TEX22: variants seen among roughly 807,000 people sequenced by gnomAD.
The protein encoded by TEX22 is testis-expressed protein 22.
Under a neutral mutation model 11.3 loss-of-function variants are expected in TEX22, and 16 were observed. The observed-to-expected ratio is 1.42, with a 90% confidence interval of 0.96 to 2.15. TEX22 has a LOEUF of 2.15. Among genes scored for constraint, TEX22 ranks in the 30% most tolerant of loss-of-function variants. The pLI, the probability that TEX22 is intolerant of heterozygous loss-of-function variation, is 0.00. For synonymous variants in TEX22, 97 were observed against 92.3 expected (o/e 1.05, Z -0.29); for missense variants, 220 against 208.6 (o/e 1.05, Z -0.34).
chr14:105,398,731 C>G (rs1426405092), intron 1 of TEX22, 96 bp downstream of exon 1: 6 of 152,476 alleles, frequency 3.9e-5, no homozygotes, highest in African/African-American at 1.2e-4. Flanking sequence ...CCAGAGTGCC[C>G]ACGGCCTCCA....
At chr14:105,402,033 A>G (rs2081629929) in intron 2 of TEX22, among the ~76,000 whole-genome samples, 1 of 152,192 alleles carries the variant, frequency 6.6e-6, no homozygotes, top group Non-Finnish European at 1.5e-5. Context: ...TAAAAATACA[A>G]AAACTAGCTG....
intron 2 of TEX22, among the ~76,000 whole-genome samples, chr14:105,410,758 G>A (rs375478140): frequency 6.6e-5 from 10 of 152,160 alleles, no homozygotes; most frequent in East Asian, 3.9e-4. Flanking sequence ...GTCTCCTGCA[G>A]CCCACGTGGG....
chr14:105,405,309 G>A (rs745501147), intron 2 of TEX22, among the ~76,000 whole-genome samples: 47 of 152,132 alleles, frequency 3.1e-4, no homozygotes, highest in Non-Finnish European at 5.0e-4. Flanking sequence ...AAAAGATCGA[G>A]TTGCTTGTCA....
rs918158147 is a variant in TEX22, at chr14:105,411,467, G to A, written c.250G>A (p.Gly84Ser). 1.4e-4 allele frequency: 167 copies of A among 1,232,748 alleles called. 1 individual carries two copies. In the South Asian group the frequency reaches 5.5e-3, roughly 41 times the overall value. The allele number at this position is 1,232,748 out of a possible 1,614,324, so 76.4% of individuals were successfully genotyped here. The change falls in exon 3 of 4, where the codon GGC becomes AGC. Residue 84 changes from glycine (G) to serine (S), a missense_variant. By Grantham distance (56) the Gly-to-Ser change is moderately conservative (BLOSUM62 0). Coordinates refer to ENST00000451127, the MANE Select transcript of TEX22 (RefSeq NM_001195082.2). ...CACGCTGGGCGGCCGGGAGAGGCCG[G>A]GCGCCGCCGGGACCCAGCTGCACTG... is the stretch of plus-strand genomic sequence containing the variant. ...LATLGGRERP[G>S]AAGTQLHCRD...
intron 1 of TEX22, 75 bp from the exon 2 acceptor site, chr14:105,399,227 C>CA: frequency 1.2e-6 from 1 of 852,040 alleles, no homozygotes; most frequent in Non-Finnish European, 1.8e-6. Context: ...CATCTGCCCC[C>CA]AGGGACTCAG....
At chr14:105,405,705 A>C (rs1481301093) in intron 2 of TEX22, among the ~76,000 whole-genome samples, 3 of 152,266 alleles carry the variant, frequency 2.0e-5, no homozygotes, top group South Asian at 2.1e-4. Flanking sequence ...TGAAAGAGGC[A>C]AAAAGGTGAC....
At chr14:105,402,427 A>C (rs1208907060) in intron 2 of TEX22, among the ~76,000 whole-genome samples, 1 of 152,134 alleles carries the variant, frequency 6.6e-6, no homozygotes, top group Non-Finnish European at 1.5e-5. Context: ...ATACTATTCA[A>C]CTTAGCAACA....
At chr14:105,406,829 T>A (rs1364819895) in intron 2 of TEX22, among the ~76,000 whole-genome samples, 2 of 152,198 alleles carry the variant, frequency 1.3e-5, no homozygotes, top group Admixed American at 1.3e-4. Context: ...TTCACCATTT[T>A]TAAATTTTAA....
In TEX22 at chr14:105,413,195, G is replaced by C. The variant is rs1410426342; in HGVS notation, c.*1362G>C. On this transcript the variant is annotated 3_prime_UTR_variant, in exon 4 of 4. Transcript: ENST00000451127. This position sits in a 1 kb window ranked among gnomAD's most constrained non-coding sequence, Gnocchi z 4.2. ...TGGATGGAGGGCAGATCCTCCAGGG[G>C]CTAGGGCAGGTGTCCTTAAGGGTGT... The C allele has an allele frequency of 2.6e-5, 4 of 152,414 alleles. No individual in the cohort carries two copies. The highest frequency in any genetic ancestry group is 9.7e-5 in the African/African-American group (4 of 41,422). 9.4% of individuals were successfully genotyped at this position (152,414 alleles called of 1,614,324 possible).
Position 105,411,656 on chromosome 14 carries a change from G to C in TEX22, c.280-4G>C, listed in dbSNP as rs1338528621. The C allele has an allele frequency of 2.0e-6, 3 of 1,522,930 alleles. No homozygotes were observed. Among genetic ancestry groups the C allele is most frequent in the South Asian group, 1.2e-5 (1 of 83,644 alleles). 94.3% of individuals were successfully genotyped at this position (1,522,930 alleles called of 1,614,324 possible). ...CGAGGCTCCCTGACCACCCTCGCCC[G>C]CAGGACGTCGTGCAGATGGTAGCCC... On this transcript the variant is annotated splice_region_variant and splice_polypyrimidine_tract_variant and intron_variant, in intron 3 of 3. Transcript: ENST00000451127.
intron 2 of TEX22, among the ~76,000 whole-genome samples, chr14:105,410,912 C>G (rs587623315): frequency 6.6e-6 from 1 of 152,336 alleles, no homozygotes; most frequent in African/African-American, 2.4e-5. Flanking sequence ...TCCACTGGCG[C>G]TGGTCTTTTG....
chr14:105,409,266 G>A (rs2081675778), intron 2 of TEX22, among the ~76,000 whole-genome samples: 1 of 152,060 alleles, frequency 6.6e-6, no homozygotes, highest in African/African-American at 2.4e-5. Context: ...CTTTGTTTTG[G>A]TGGAGTACAT....
chr14:105,404,219 C>T (rs2081647215), intron 2 of TEX22, among the ~76,000 whole-genome samples: 1 of 152,200 alleles, frequency 6.6e-6, no homozygotes, highest in South Asian at 2.1e-4. Context: ...ATGATAGGGG[C>T]TGGCAGGAGG....
chr14:105,401,331 C>G (rs587656768), intron 2 of TEX22, among the ~76,000 whole-genome samples: 2 of 152,232 alleles, frequency 1.3e-5, no homozygotes, highest in South Asian at 4.1e-4. Flanking sequence ...ACATGATTAT[C>G]TCAATAGATG....
At chr14:105,411,527 T>TGCC (rs2081691639) in intron 3 of TEX22, 31 bp downstream of exon 3, 1 of 568,104 alleles carries the variant, frequency 1.8e-6, no homozygotes, top group Non-Finnish European at 2.1e-6. Flanking sequence ...CCCCGCCCCG[T>TGCC]CCCCGCCCCG....
chr14:105,406,100 G>A (rs1340163973), intron 2 of TEX22, among the ~76,000 whole-genome samples: 1 of 152,162 alleles, frequency 6.6e-6, no homozygotes, highest in African/African-American at 2.4e-5. Context: ...GGTAGAGTGC[G>A]GGTCCGTCTC....
At position 105,411,684 on chromosome 14, in the gene TEX22, C is replaced by A; in HGVS notation, c.304C>A (p.Leu102Met). The change falls in exon 4 of 4, where the codon CTG becomes ATG. Residue 102 changes from leucine (L) to methionine (M), a missense_variant. By Grantham distance (15) the Leu-to-Met change is conservative (BLOSUM62 2). Coordinates refer to ENST00000451127, the MANE Select transcript of TEX22 (RefSeq NM_001195082.2). ...GGACGTCGTGCAGATGGTAGCCCAGCTGGTGTCGGAGGACGTGGACAAGGA... is the reference window on the plus strand; with the variant it reads ...GGACGTCGTGCAGATGGTAGCCCAGATGGTGTCGGAGGACGTGGACAAGGA... Reference protein sequence around the residue: ...CRDVVQMVAQLVSEDVDKDVL... With the variant: ...CRDVVQMVAQMVSEDVDKDVL... 1 of 1,531,984 alleles carries A rather than the reference C, an allele frequency of 6.5e-7. No individual in the cohort carries two copies. Among genetic ancestry groups the A allele is most frequent in the Non-Finnish European group, 8.7e-7 (1 of 1,144,830 alleles). The allele number at this position is 1,531,984 out of a possible 1,614,324, so 94.9% of individuals were successfully genotyped here.
Position 105,399,338 on chromosome 14 carries a change from GAGA to G in TEX22, c.-2_1del. On this transcript the variant is annotated start_lost and 5_prime_UTR_variant, in exon 2 of 4. Coordinates refer to ENST00000451127, the MANE Select transcript of TEX22 (RefSeq NM_001195082.2). ...GTGGACAAGCAGCCTACTAGGGCTA[GAGA>G]TGGACAGCAGGAAACTGTCCCCCCG... 6.5e-7 allele frequency: 1 copy of G among 1,535,136 alleles called. No individual in the cohort carries two copies. The highest frequency in any genetic ancestry group is 8.7e-7 in the Non-Finnish European group (1 of 1,146,480).
intron 1 of TEX22, 94 bp from the exon 2 acceptor site, chr14:105,399,208 T>C: frequency 1.4e-6 from 1 of 722,092 alleles, no homozygotes; most frequent in South Asian, 1.8e-5. Flanking sequence ...CAGACCGCGA[T>C]ACTGCCACCA....
Sources: allele counts gnomAD v4.1 joint callset (sites outside exome capture counted in the v4.1 genomes callset), GRCh38; gene constraint gnomAD v4.1.1; non-coding constraint Gnocchi (gnomAD v3.1); transcripts MANE v1.5; gene names NCBI Gene and HGNC (gene_info 2026-07-23, HGNC 2026-07-21).